Variants in MROH1 observed in about 807,000 individuals in gnomAD.
MROH1 encodes the protein maestro heat-like repeat-containing protein family member 1.
Under a neutral mutation model 116.5 loss-of-function variants are expected in MROH1, and 117 were observed. The observed-to-expected ratio is 1.00, with a 90% confidence interval of 0.86 to 1.17. The LOEUF is 1.17. Among genes scored for constraint, MROH1 ranks in the 50% most tolerant of loss-of-function variants. The probability of loss-of-function intolerance (pLI) is 0.00; values close to 1 mark genes in which losing one functional copy is unlikely to be tolerated. For synonymous variants in MROH1, 921 were observed against 583.9 expected, an observed-to-expected ratio of 1.58 and a Z score of -8.32; for missense variants, 1,873 against 1,338.5, an observed-to-expected ratio of 1.40 and a Z score of -6.23.
chr8:144,167,017 T>C (rs1820997877), intron 3 of MROH1, among the ~76,000 whole-genome samples: 2 of 152,208 alleles, frequency 1.3e-5, no homozygotes, highest in African/African-American at 4.8e-5. Context: ...GGAAGGAATA[T>C]CTTCCCAGAG....
intron 12 of MROH1, among the ~76,000 whole-genome samples, chr8:144,209,098 T>C (rs992600970): frequency 1.3e-5 from 2 of 151,310 alleles, no homozygotes; most frequent in Admixed American, 6.6e-5. Context: ...AGTTTCGCCA[T>C]GTTAGTCAGG....
intron 35 of MROH1, among the ~76,000 whole-genome samples, chr8:144,258,490 G>C (rs2129913299): frequency 6.6e-6 from 1 of 152,328 alleles, no homozygotes; most frequent in African/African-American, 2.4e-5. Context: ...GGCCGGTGCA[G>C]CCAGAGGGCT....
chr8:144,228,247 T>C (rs1218828017), intron 14 of MROH1, among the ~76,000 whole-genome samples: 3 of 152,168 alleles, frequency 2.0e-5, no homozygotes, highest in Non-Finnish European at 4.4e-5. Flanking sequence ...AGAAGTTATG[T>C]TTACACTATA....
intron 7 of MROH1, among the ~76,000 whole-genome samples, chr8:144,185,238 G>A (rs1457830388): frequency 6.6e-6 from 1 of 152,176 alleles, no homozygotes; most frequent in African/African-American, 2.4e-5. Flanking sequence ...TGCAGGGTGG[G>A]AAGTGGGAGC....
chr8:144,188,338 C>T (rs982233890), intron 7 of MROH1, among the ~76,000 whole-genome samples: 2 of 152,134 alleles, frequency 1.3e-5, no homozygotes, highest in Non-Finnish European at 2.9e-5. Flanking sequence ...TGGATGGGGC[C>T]TAAGGCCAGT....
intron 8 of MROH1, among the ~76,000 whole-genome samples, chr8:144,191,156 G>A (rs940446711): frequency 2.6e-5 from 4 of 152,124 alleles, no homozygotes; most frequent in Admixed American, 1.3e-4. Flanking sequence ...TGCAGCCTCC[G>A]CCTCTCTGCT....
At chr8:144,250,486 T>C in intron 33 of MROH1, 120 bp downstream of exon 33, 1 of 699,598 alleles carries the variant, frequency 1.4e-6, no homozygotes, top group Non-Finnish European at 2.6e-6. Context: ...TTCCCATGGC[T>C]GTAGGCCACG....
chr8:144,229,564 CT>C (rs1838444436), intron 14 of MROH1, among the ~76,000 whole-genome samples: 1 of 151,782 alleles, frequency 6.6e-6, no homozygotes, highest in Non-Finnish European at 1.5e-5. Context: ...TTTGTTTTGT[CT>C]TGTTTTTTTA....
intron 4 of MROH1, among the ~76,000 whole-genome samples, chr8:144,174,024 G>A (rs1823193024): frequency 6.6e-6 from 1 of 152,126 alleles, no homozygotes; most frequent in South Asian, 2.1e-4. Flanking sequence ...CCCAAGTTAG[G>A]CCACCTCCCC....
At chr8:144,255,141 A>G (rs1843479533) in intron 34 of MROH1, among the ~76,000 whole-genome samples, 163 bp downstream of exon 34, 1 of 152,216 alleles carries the variant, frequency 6.6e-6, no homozygotes, top group African/African-American at 2.4e-5. Flanking sequence ...AAGGCCTCAC[A>G]GGTGTGGGCC....
intron 12 of MROH1, among the ~76,000 whole-genome samples, chr8:144,219,186 C>T (rs1836183739): frequency 6.6e-6 from 1 of 151,842 alleles, no homozygotes; most frequent in African/African-American, 2.4e-5. Context: ...CCATGCCCGG[C>T]TAATTTTTTG....
intron 12 of MROH1, among the ~76,000 whole-genome samples, chr8:144,211,508 G>C (rs551484358): frequency 1.3e-5 from 2 of 152,068 alleles, no homozygotes; most frequent in Admixed American, 1.3e-4. Flanking sequence ...GGTGGATCAC[G>C]AGGTCAGGAG....
chr8:144,164,038 T>C (rs866847125), intron 3 of MROH1, among the ~76,000 whole-genome samples, 190 bp downstream of exon 3: 1 of 151,906 alleles, frequency 6.6e-6, no homozygotes, highest in Non-Finnish European at 1.5e-5. Context: ...AGCCTTCAGT[T>C]TGGGACTCCA....
chr8:144,254,986 G>A lies in MROH1; in HGVS notation c.3594+8G>A, dbSNP rs1843440220. 8.1e-6 allele frequency: 6 copies of A among 744,940 alleles called. No individual in the cohort carries two copies. The highest frequency in any genetic ancestry group is 7.1e-5 in the South Asian group (5 of 70,276). The allele number at this position is 744,940 out of a possible 1,614,324, so 46.1% of individuals were successfully genotyped here. On this transcript the variant is annotated splice_region_variant and intron_variant, in intron 34 of 43. Coordinates refer to ENST00000326134, the MANE Select transcript of MROH1 (RefSeq NM_032450.3). ...ACGCTGCTGCCTCTCTCGGTGAGTC[G>A]GGCTCTCGGGGCCACCTTGACACGC...
chr8:144,151,622 G>A (rs906957881), intron 1 of MROH1, among the ~76,000 whole-genome samples: 7 of 152,162 alleles, frequency 4.6e-5, no homozygotes, highest in African/African-American at 1.4e-4. Flanking sequence ...GCAAGAACCC[G>A]GGATACAAAA....
intron 12 of MROH1, chr8:144,201,122 T>C (rs1831033357): frequency 1.3e-5 from 2 of 152,030 alleles, no homozygotes; most frequent in Admixed American, 1.3e-4. Flanking sequence ...AGTGGCGCAA[T>C]CTCGGCTCCC....
chr8:144,152,281 G>A (rs898599749), intron 1 of MROH1, among the ~76,000 whole-genome samples: 4 of 152,086 alleles, frequency 2.6e-5, no homozygotes, highest in African/African-American at 9.7e-5. Flanking sequence ...CTGAAACCAA[G>A]GAAAGTAAAA....
At position 144,239,024 on chromosome 8, in the gene MROH1, T is replaced by C; in HGVS notation, c.1447-11T>C. ...CTGGGCGGATGCAGACCAGGCCCTC[T>C]GCTCCCCTAGGTCCTCTGGCCATAC... On this transcript the variant is annotated splice_polypyrimidine_tract_variant and intron_variant, in intron 15 of 43. Coordinates refer to ENST00000326134, the MANE Select transcript of MROH1 (RefSeq NM_032450.3). 1 of 777,642 alleles carries C rather than the reference T, an allele frequency of 1.3e-6. No homozygotes were observed. The highest frequency in any genetic ancestry group is 1.7e-5 in the Admixed American group (1 of 59,040). 48.2% of individuals were successfully genotyped at this position (777,642 alleles called of 1,614,324 possible). A position where few individuals can be genotyped will look rare whatever the true frequency, so the allele number is the denominator to read the frequency against.
intron 12 of MROH1, among the ~76,000 whole-genome samples, chr8:144,216,045 C>T (rs1371056431): frequency 2.6e-5 from 4 of 151,766 alleles, no homozygotes; most frequent in South Asian, 2.1e-4. Flanking sequence ...ATTAGCCGGG[C>T]GTGGTGGCAC....
Sources: allele counts gnomAD v4.1 joint callset (sites outside exome capture counted in the v4.1 genomes callset), GRCh38; gene constraint gnomAD v4.1.1; transcripts MANE v1.5; gene names NCBI Gene and HGNC (gene_info 2026-07-23, HGNC 2026-07-21).